Variants in KIAA1217 observed in about 807,000 individuals in gnomAD.
KIAA1217 encodes sickle tail protein homolog.
KIAA1217 carries 88 observed loss-of-function variants against 163.9 expected under a neutral mutation model. The observed-to-expected ratio is 0.54, with a 90% CI of 0.45 to 0.64. The LOEUF (loss-of-function observed/expected upper bound fraction) is 0.64, where lower values mean the gene tolerates loss of function less well. KIAA1217 is among the 30% of genes least tolerant of loss of function. The pLI is 0.00. For synonymous variants in KIAA1217, 903 were observed against 923.1 expected, an observed-to-expected ratio of 0.98 and a Z score of 0.39; for missense variants, 2,372 against 2,475.0, an observed-to-expected ratio of 0.96 and a Z score of 0.88.
intron 2 of KIAA1217, among the ~76,000 whole-genome samples, chr10:24,220,864 T>A (rs1196586525): frequency 3.4e-5 from 5 of 147,974 alleles, no homozygotes; most frequent in African/African-American, 1.2e-4. Context: ...GCACTCAAGA[T>A]CCTCTCATCT....
At chr10:24,363,971 T>G (rs1037209436) in intron 2 of KIAA1217, among the ~76,000 whole-genome samples, 4 of 146,748 alleles carry the variant, frequency 2.7e-5, no homozygotes, top group Non-Finnish European at 5.9e-5. Context: ...TCAACTCTGG[T>G]CTCATCCACT....
At chr10:24,368,738 A>G (rs2051143788) in intron 2 of KIAA1217, 2 of 439,914 alleles carry the variant, frequency 4.5e-6, no homozygotes. Context: ...GTTTGTTTGT[A>G]CCCTTCTCCT....
intron 2 of KIAA1217, chr10:24,255,461 A>G: frequency 2.2e-6 from 1 of 454,350 alleles, no homozygotes; most frequent in South Asian, 1.6e-5. Context: ...CAGAACATTA[A>G]AGGTCTGGCT....
chr10:24,057,591 A>T (rs915892682), intron 2 of KIAA1217, among the ~76,000 whole-genome samples: 6 of 152,170 alleles, frequency 3.9e-5, no homozygotes, highest in Admixed American at 6.5e-5. Context: ...ATGTCGTGGC[A>T]CATTACAGGT....
chr10:23,841,627 C>T (rs1367259470), intron 1 of KIAA1217, among the ~76,000 whole-genome samples: 2 of 151,498 alleles, frequency 1.3e-5, no homozygotes, highest in Non-Finnish European at 2.9e-5. Flanking sequence ...AACCCAACAT[C>T]TGATTCAAAA....
chr10:23,725,955 A>T (rs1838108038), intron 1 of KIAA1217, among the ~76,000 whole-genome samples: 1 of 152,164 alleles, frequency 6.6e-6, no homozygotes, highest in African/African-American at 2.4e-5. Context: ...GTTAAACTTG[A>T]TGTAATTTCT....
chr10:24,219,612 T>G lies in KIAA1217; in HGVS notation c.71-14T>G. On this transcript the variant is annotated splice_polypyrimidine_tract_variant and intron_variant, in intron 1 of 20. Coordinates refer to ENST00000376454, the MANE Select transcript of KIAA1217 (RefSeq NM_019590.5). ...GAAATCATTAATTGTGAACCGAATT[T>G]TTTTGTCTTTCAGAACAAGGCAAAG... 2 of 1,560,024 alleles carry G rather than the reference T, an allele frequency of 1.3e-6. No homozygotes were observed. Among genetic ancestry groups the G allele is most frequent in the Non-Finnish European group, 1.7e-6 (2 of 1,152,070 alleles).
At chr10:24,504,218 C>T (rs2068047752) in intron 9 of KIAA1217, among the ~76,000 whole-genome samples, 1 of 152,318 alleles carries the variant, frequency 6.6e-6, no homozygotes, top group East Asian at 1.9e-4. Context: ...GCTGTGTTAA[C>T]CACACAAGTT....
intron 2 of KIAA1217, among the ~76,000 whole-genome samples, chr10:24,311,222 T>C (rs1391158044): frequency 6.6e-6 from 1 of 152,102 alleles, no homozygotes; most frequent in Non-Finnish European, 1.5e-5. Context: ...GGATCGGACA[T>C]GTGTTAGTTC....
At chr10:23,819,041 T>A (rs939548442) in intron 1 of KIAA1217, among the ~76,000 whole-genome samples, 3 of 152,208 alleles carry the variant, frequency 2.0e-5, no homozygotes, top group African/African-American at 4.8e-5. Context: ...CATTTTAAAG[T>A]GTGGATTATT....
At chr10:24,361,982 C>CAAAA (rs68117028) in intron 2 of KIAA1217, among the ~76,000 whole-genome samples, 109 of 100,422 alleles carry the variant, frequency 1.1e-3, no homozygotes, top group African/African-American at 1.1e-3. Context: ...GACTCTGTCT[C>CAAAA]AAAAAAAAAA....
chr10:24,033,018 A>T (rs1329495300), intron 2 of KIAA1217, among the ~76,000 whole-genome samples: 1 of 152,214 alleles, frequency 6.6e-6, no homozygotes, highest in Non-Finnish European at 1.5e-5. Flanking sequence ...GGTTCAGATA[A>T]GTCGTTCAGC....
In KIAA1217 at chr10:24,236,647, G is replaced by GTT. The variant is rs954522444; in HGVS notation, c.354+16748_354+16749dup. ...TCTTTGTGAGCTTTTTCAGTGAGGA[G>GTT]TTTTTTTTTTTGTTTTTTTTTTGAG... On this transcript the variant is annotated intron_variant, in intron 2 of 20. Coordinates refer to ENST00000376454, the MANE Select transcript of KIAA1217 (RefSeq NM_019590.5). Among the ~76,000 whole-genome samples, 71 of 143,926 alleles carry GTT rather than the reference G, an allele frequency of 4.9e-4. 1 individual carries two copies. The highest frequency in any genetic ancestry group is 1.8e-3 in the African/African-American group (69 of 39,358). 94.4% of individuals were successfully genotyped at this position (143,926 alleles called of 152,430 possible). A position where few individuals can be genotyped will look rare whatever the true frequency, so the allele number is the denominator to read the frequency against.
Position 24,093,324 on chromosome 10 carries a change from C to T in KIAA1217, c.-171+85950C>T, listed in dbSNP as rs185358410. Among the ~76,000 whole-genome samples the T allele has an allele frequency of 1.9e-3, 290 of 151,826 alleles. 2 individuals are homozygous for T. The highest frequency in any genetic ancestry group is 3.0e-3 in the Non-Finnish European group (207 of 68,028). On this transcript the variant is annotated intron_variant, in intron 2 of 18. Coordinates refer to the KIAA1217 transcript ENST00000376462. ...TAGCTGGGATTACAGGCACCTGCCA[C>T]CATGCCCAGCTAATTTTTTGTATTT...
intron 13 of KIAA1217, among the ~76,000 whole-genome samples, chr10:24,526,053 C>T (rs2072104826): frequency 6.6e-6 from 1 of 152,202 alleles, no homozygotes; most frequent in Non-Finnish European, 1.5e-5. Context: ...AGGGCTGGTA[C>T]CAGTGCTCCG....
At chr10:24,096,380 T>C (rs912919773) in intron 2 of KIAA1217, among the ~76,000 whole-genome samples, 4 of 152,148 alleles carry the variant, frequency 2.6e-5, no homozygotes, top group African/African-American at 9.7e-5. Context: ...TGCCACCACC[T>C]CTTATCTGCA....
intron 2 of KIAA1217, among the ~76,000 whole-genome samples, chr10:24,295,022 A>G (rs2040422523): frequency 6.6e-6 from 1 of 152,224 alleles, no homozygotes. Flanking sequence ...TGGAAATACT[A>G]GAAATGTCTC....
At chr10:24,367,602 C>G (rs1264303508) in intron 2 of KIAA1217, among the ~76,000 whole-genome samples, 1 of 152,196 alleles carries the variant, frequency 6.6e-6, no homozygotes, top group East Asian at 1.9e-4. Flanking sequence ...AAAACAGAAG[C>G]CTGAATCATT....
intron 1 of KIAA1217, among the ~76,000 whole-genome samples, chr10:23,915,638 AC>A (rs1174450874): frequency 1.3e-5 from 2 of 152,184 alleles, no homozygotes; most frequent in Non-Finnish European, 2.9e-5. Flanking sequence ...TATTTCTGCA[AC>A]TTTTCTGGAA....
Sources: allele counts gnomAD v4.1 joint callset (sites outside exome capture counted in the v4.1 genomes callset), GRCh38; gene constraint gnomAD v4.1.1; transcripts MANE v1.5; gene names NCBI Gene and HGNC (gene_info 2026-07-23, HGNC 2026-07-21).